Variants in QRSL1 observed in about 807,000 individuals in gnomAD.
QRSL1 encodes the protein glutamyl-tRNA(Gln) amidotransferase subunit A, mitochondrial.
Under a neutral mutation model 61.6 loss-of-function variants are expected in QRSL1, and 54 were observed. That is an observed-to-expected ratio of 0.88 (90% CI 0.70 to 1.10). The LOEUF is 1.10. Among genes scored for constraint, QRSL1 ranks in the 50% least tolerant of loss-of-function variants. QRSL1 has a pLI of 0.00. For missense variants in QRSL1, 505 were observed against 622.6 expected (o/e 0.81, Z 2.01); for synonymous variants, 228 against 225.7 (o/e 1.01, Z -0.09).
At position 106,645,052 on chromosome 6, in the gene QRSL1, A is replaced by G. The variant is rs1041761277; in HGVS notation, c.380+1962A>G. Among the ~76,000 whole-genome samples, 6 of 152,370 alleles carry G rather than the reference A, an allele frequency of 3.9e-5. 1 individual carries two copies. Among genetic ancestry groups the G allele is most frequent in the Middle Eastern group, 6.8e-3 (2 of 294 alleles). On this transcript the variant is annotated intron_variant, in intron 4 of 10. Transcript: ENST00000369046. The stretch of plus-strand genomic sequence containing the variant: ...TTTTTGTCAAGAATCAAGCACATTC[A>G]GTAGGTCTGTTTCTGGACTCTGTTG...
intron 10 of QRSL1, among the ~76,000 whole-genome samples, chr6:106,664,410 C>T (rs1257921032): frequency 6.6e-6 from 1 of 152,150 alleles, no homozygotes; most frequent in Non-Finnish European, 1.5e-5. Flanking sequence ...TTTATTTTGT[C>T]ACTTCTGTTT....
rs1468995483 is a variant in QRSL1, at chr6:106,667,074, G to A, written c.*1072G>A. 2.0e-5 allele frequency: 3 copies of A among 152,126 alleles called. No homozygotes were observed. The highest frequency in any genetic ancestry group is 2.9e-5 in the Non-Finnish European group (2 of 68,032). 9.4% of individuals were successfully genotyped at this position (152,126 alleles called of 1,614,324 possible). A position where few individuals can be genotyped will look rare whatever the true frequency, so the allele number is the denominator to read the frequency against. On this transcript the variant is annotated 3_prime_UTR_variant, in exon 11 of 11. Coordinates refer to ENST00000369046, the MANE Select transcript of QRSL1 (RefSeq NM_018292.5). ...CACAAATGAGCTCATTAATGTCATC[G>A]AAACATTTATTGTAACCTAACAGAC...
chr6:106,657,830 G>A (rs543824069), intron 9 of QRSL1, among the ~76,000 whole-genome samples: 3 of 152,128 alleles, frequency 2.0e-5, no homozygotes, highest in Non-Finnish European at 4.4e-5. Context: ...TCAGCATCCT[G>A]AGTAGCTGGG....
At chr6:106,649,562 A>G (rs1164254586) in intron 5 of QRSL1, among the ~76,000 whole-genome samples, 2 of 152,196 alleles carry the variant, frequency 1.3e-5, no homozygotes, top group African/African-American at 4.8e-5. Flanking sequence ...ACTAACATAC[A>G]ATGGCTTTAG....
At chr6:106,658,111 C>A (rs1236866670) in intron 9 of QRSL1, among the ~76,000 whole-genome samples, 1 of 151,980 alleles carries the variant, frequency 6.6e-6, no homozygotes, top group African/African-American at 2.4e-5. Context: ...TTTCTTTTAA[C>A]CTTTTCTTCT....
rs6905134 is a variant in QRSL1 at position 106,631,523 on chromosome 6, G to A, written c.24+1818G>A. On this transcript the variant is annotated intron_variant, in intron 1 of 10. Transcript: ENST00000369046. Reference sequence around the variant, plus strand: ...TGAATCAGTTATCCTTGGCCACAAGGATCAGTCACAAAGGTGGCATCAGTC... The same window carrying A: ...TGAATCAGTTATCCTTGGCCACAAGAATCAGTCACAAAGGTGGCATCAGTC... Among the ~76,000 whole-genome samples the A allele has an allele frequency of 1.7e-3, 256 of 152,304 alleles. 1 individual carries two copies. Among genetic ancestry groups the A allele is most frequent in the African/African-American group, 5.9e-3 (245 of 41,560 alleles).
At chr6:106,635,886 AC>A (rs1562163857) in intron 1 of QRSL1, among the ~76,000 whole-genome samples, 1 of 151,878 alleles carries the variant, frequency 6.6e-6, no homozygotes, top group African/African-American at 2.4e-5. Flanking sequence ...AAAAAAAAAG[AC>A]AGTTCTTTTC....
At chr6:106,642,492 C>T in intron 3 of QRSL1, 2 of 683,466 alleles carry the variant, frequency 2.9e-6, no homozygotes, top group East Asian at 2.6e-5. Context: ...GGAGAGGCAC[C>T]CAATATGTGT....
At chr6:106,660,334 C>CT (rs1455344863) in intron 9 of QRSL1, among the ~76,000 whole-genome samples, 6 of 150,820 alleles carry the variant, frequency 4.0e-5, no homozygotes, top group African/African-American at 1.5e-4. Context: ...CTCCCCACCC[C>CT]CCCCGTGAAG....
intron 9 of QRSL1, among the ~76,000 whole-genome samples, chr6:106,661,686 C>CTTTTTTT (rs572306794): frequency 2.5e-4 from 14 of 55,094 alleles, no homozygotes; most frequent in African/African-American, 3.8e-4. Context: ...ATGGTTAGTT[C>CTTTTTTT]TTTTTTTTTT....
intron 9 of QRSL1, among the ~76,000 whole-genome samples, chr6:106,656,848 G>A (rs558713170): frequency 6.6e-6 from 1 of 152,144 alleles, no homozygotes; most frequent in South Asian, 2.1e-4. Flanking sequence ...GTAGAGACGG[G>A]ATCCTGCCAT....
Position 106,642,829 on chromosome 6 carries a change from G to C in QRSL1, c.284-165G>C, listed in dbSNP as rs567292920. The C allele has an allele frequency of 1.7e-5, 13 of 757,660 alleles. No homozygotes were observed. The African/African-American group carries it at 1.9e-4, about 11-fold the overall frequency. The allele number at this position is 757,660 out of a possible 1,614,324, so 46.9% of individuals were successfully genotyped here. A position where few individuals can be genotyped will look rare whatever the true frequency, so the allele number is the denominator to read the frequency against. ...AAGAGAAAGGTACCTGGGTTCAACT[G>C]ACGTGCCAGCCTGCTCCACCCAGAG... On this transcript the variant is annotated intron_variant, in intron 3 of 10. Coordinates refer to ENST00000369046, the MANE Select transcript of QRSL1 (RefSeq NM_018292.5).
chr6:106,655,129 C>T (rs1226406216), intron 8 of QRSL1, among the ~76,000 whole-genome samples: 2 of 152,184 alleles, frequency 1.3e-5, no homozygotes, highest in African/African-American at 4.8e-5. Context: ...CTTCTCAGGA[C>T]TGTGAATAAC....
chr6:106,642,724 T>A, intron 3 of QRSL1: 3 of 748,976 alleles, frequency 4.0e-6, no homozygotes, highest in Non-Finnish European at 4.9e-6. Context: ...ATGTGCATAT[T>A]GAGCACAGTA....
chr6:106,656,280 A>G (rs1355950606), intron 9 of QRSL1, among the ~76,000 whole-genome samples: 1 of 152,226 alleles, frequency 6.6e-6, no homozygotes, highest in African/African-American at 2.4e-5. Context: ...GCCATTAAGG[A>G]TTTTAATCTC....
intron 1 of QRSL1, among the ~76,000 whole-genome samples, chr6:106,633,434 G>A (rs959731986): frequency 6.6e-6 from 1 of 152,106 alleles, no homozygotes; most frequent in African/African-American, 2.4e-5. Context: ...TACCTTAATT[G>A]AGATAATCAG....
Position 106,662,960 on chromosome 6 carries a change from C to T in QRSL1, c.1161-20C>T. On this transcript the variant is annotated intron_variant, in intron 9 of 10. Transcript: ENST00000369046. ...AAATACAAAAAATCCTTAAAAACATCACCTACTTTTTTCCCACAGAAACTA... is the reference window on the plus strand; with the variant it reads ...AAATACAAAAAATCCTTAAAAACATTACCTACTTTTTTCCCACAGAAACTA... 1.9e-6 allele frequency: 3 copies of T among 1,551,288 alleles called. No homozygotes were observed. Among genetic ancestry groups the T allele is most frequent in the Non-Finnish European group, 2.7e-6 (3 of 1,124,394 alleles).
At chr6:106,663,725 G>A (rs1777394951) in intron 10 of QRSL1, among the ~76,000 whole-genome samples, 1 of 152,096 alleles carries the variant, frequency 6.6e-6, no homozygotes, top group African/African-American at 2.4e-5. Context: ...AGATTTGTGT[G>A]GGGAGACAGA....
chr6:106,645,362 T>C (rs1416181815), intron 4 of QRSL1, among the ~76,000 whole-genome samples: 1 of 152,198 alleles, frequency 6.6e-6, no homozygotes, highest in African/African-American at 2.4e-5. Flanking sequence ...TCTGGAATGT[T>C]TTTATGATTT....
Sources: allele counts gnomAD v4.1 joint callset (sites outside exome capture counted in the v4.1 genomes callset), GRCh38; gene constraint gnomAD v4.1.1; transcripts MANE v1.5; gene names NCBI Gene and HGNC (gene_info 2026-07-23, HGNC 2026-07-21).